Variants in SLC26A4 observed in about 807,000 individuals in gnomAD.
SLC26A4 encodes the protein solute carrier family 26 member 4.
In SLC26A4, 93 loss-of-function variants were observed where a neutral mutation model predicts 90.4. The ratio of observed to expected loss-of-function variants is 1.03; its 90% CI spans 0.87 to 1.22. SLC26A4 has a LOEUF of 1.22. SLC26A4 is among the 50% of genes most tolerant of loss of function. The probability of loss-of-function intolerance (pLI) is 0.00; values close to 1 mark genes in which losing one functional copy is unlikely to be tolerated. For synonymous variants in SLC26A4, 393 were observed against 354.6 expected (o/e 1.11, Z -1.22); for missense variants, 1,127 against 946.2 (o/e 1.19, Z -2.51).
chr7:107,710,620 T>A (rs1199142075), intron 19 of SLC26A4, among the ~76,000 whole-genome samples: 1 of 152,178 alleles, frequency 6.6e-6, no homozygotes. Context: ...CCATAAGTGA[T>A]CTTTGAAAAA....
At position 107,698,092 on chromosome 7, in the gene SLC26A4, G is replaced by A; in HGVS notation, c.1595G>A (p.Ser532Asn). ...GSIPSTDIYK[S>N]TKNYKNIEEP... is the part of the protein sequence containing the mutation. ...ATCCCTAGCACAGATATCTACAAAAGTACCAAGAATTACAAAAACGTAAGT... is the reference window on the plus strand; with the variant it reads ...ATCCCTAGCACAGATATCTACAAAAATACCAAGAATTACAAAAACGTAAGT... The change falls in exon 14 of 21, where the codon AGT becomes AAT. Residue 532 changes from serine (S) to asparagine (N), a missense_variant. By Grantham distance (46) the Ser-to-Asn change is conservative. Transcript: ENST00000644269. 6.2e-7 allele frequency: 1 copy of A among 1,608,892 alleles called. No individual in the cohort carries two copies.
intron 6 of SLC26A4, 63 bp from the exon 7 acceptor site, chr7:107,683,137 TGC>T: frequency 8.7e-7 from 1 of 1,148,900 alleles, no homozygotes; most frequent in African/African-American, 1.5e-5. Flanking sequence ...TGTGTGTGTG[TGC>T]GTGTGTGTGT....
At chr7:107,667,956 G>A (rs1466443476) in intron 3 of SLC26A4, among the ~76,000 whole-genome samples, 2 of 152,110 alleles carry the variant, frequency 1.3e-5, no homozygotes, top group African/African-American at 4.8e-5. Context: ...GGTGGAGAAG[G>A]GTTTGGGCAG....
intron 6 of SLC26A4, among the ~76,000 whole-genome samples, chr7:107,680,299 T>C (rs1449762220): frequency 7.5e-5 from 2 of 26,504 alleles, no homozygotes; most frequent in African/African-American, 3.7e-4. Flanking sequence ...TCTTATTATA[T>C]AATATAATCT....
At position 107,663,832 on chromosome 7, in the gene SLC26A4, C is replaced by T. The variant is rs149409365; in HGVS notation, c.304+397C>T. 9.4e-3 allele frequency among the ~76,000 whole-genome samples: 1,433 copies of T among 152,152 alleles called. 24 individuals are homozygous for T. The highest frequency in any genetic ancestry group is 0.032 in the African/African-American group (1,345 of 41,502). On this transcript the variant is annotated intron_variant, in intron 3 of 20. Coordinates refer to ENST00000644269, the MANE Select transcript of SLC26A4 (RefSeq NM_000441.2). Reference sequence around the variant, plus strand: ...CCCAGTAGCTGGGACTACAGGCGCCCGCCACTACGCCCGGCTAATTTTTTG... The same window carrying T: ...CCCAGTAGCTGGGACTACAGGCGCCTGCCACTACGCCCGGCTAATTTTTTG...
chr7:107,686,216 T>C (rs900833992), intron 8 of SLC26A4, among the ~76,000 whole-genome samples: 1 of 151,898 alleles, frequency 6.6e-6, no homozygotes, highest in Admixed American at 6.6e-5. Context: ...CCAGAGGTCC[T>C]CTTGTTGTCA....
At chr7:107,690,508 A>G (rs1791538828) in intron 10 of SLC26A4, among the ~76,000 whole-genome samples, 1 of 152,174 alleles carries the variant, frequency 6.6e-6, no homozygotes, top group Non-Finnish European at 1.5e-5. Context: ...GGTCAATAAC[A>G]ACTGACAAGG....
chr7:107,700,207 T>C (rs1362153106), intron 15 of SLC26A4, 32 bp downstream of exon 15: 1 of 1,131,818 alleles, frequency 8.8e-7, no homozygotes, highest in Admixed American at 1.7e-5. Flanking sequence ...ATTTGTTTTC[T>C]AACCTCTTTT....
intron 18 of SLC26A4, 126 bp from the exon 19 acceptor site, chr7:107,709,928 G>A (rs950230420): frequency 8.2e-6 from 6 of 729,802 alleles, no homozygotes; most frequent in Admixed American, 2.2e-5. Flanking sequence ...CTTGGGACGC[G>A]GAGGTTGCAG....
In SLC26A4 at chr7:107,695,779, C is replaced by T. The variant is rs115966090; in HGVS notation, c.1438-154C>T. Among the ~76,000 whole-genome samples the T allele has an allele frequency of 0.012, 1,805 of 151,946 alleles. 25 individuals carry two copies. Among genetic ancestry groups the T allele is most frequent in the African/African-American group, 0.033 (1,350 of 41,414 alleles). On this transcript the variant is annotated intron_variant, in intron 12 of 20. Coordinates refer to ENST00000644269, the MANE Select transcript of SLC26A4 (RefSeq NM_000441.2). ...AGTGAACTATCATGGTGCCACTGCA[C>T]TCCAGCCTGGGCAATAGAGTGTGAC...
Position 107,663,368 on chromosome 7 carries a change from A to G in SLC26A4, c.237A>G (p.Arg79=), listed in dbSNP as rs1030449153. The change falls in exon 3 of 21, where the codon CGA becomes CGG. Residue 79 remains arginine, a synonymous_variant. Transcript: ENST00000644269. ...TCTTGGAGTGGCTCCCCAAATACCGAGTCAAGGAATGGCTGCTTAGTGACG... is the reference window on the plus strand; with the variant it reads ...TCTTGGAGTGGCTCCCCAAATACCGGGTCAAGGAATGGCTGCTTAGTGACG... The part of the protein sequence containing the change: ...VPILEWLPKY[R]VKEWLLSDVI... The G allele has an allele frequency of 1.2e-6, 2 of 1,614,084 alleles. No individual in the cohort carries two copies. The highest frequency in any genetic ancestry group is 1.1e-5 in the South Asian group (1 of 91,080).
rs397516413 is a variant in SLC26A4 at position 107,690,170 on chromosome 7, CT to C, written c.1198del (p.Cys400ValfsTer32). The C allele has an allele frequency of 1.4e-5, 22 of 1,613,474 alleles. No homozygotes were observed. The highest frequency in any genetic ancestry group is 1.6e-4 in the Middle Eastern group (1 of 6,078). ...GISNIFSGFF[S>X]CFVATTALSR... ...AGCAACATCTTCTCAGGATTCTTCT[CT>C]TGTTTTGTGGCCACCACTGCTCTTT... On this transcript the variant is annotated frameshift_variant, in exon 10 of 21. Coordinates refer to ENST00000644269, the MANE Select transcript of SLC26A4 (RefSeq NM_000441.2). LOFTEE classifies it high-confidence loss of function.
chr7:107,710,020 G>A, intron 18 of SLC26A4, 34 bp from the exon 19 acceptor site: 1 of 1,599,830 alleles, frequency 6.3e-7, no homozygotes. Flanking sequence ...TCTTTTCCTA[G>A]GAACTAACAA....
intron 8 of SLC26A4, among the ~76,000 whole-genome samples, chr7:107,686,539 A>G (rs187550986): frequency 9.7e-4 from 145 of 150,096 alleles, no homozygotes; most frequent in Non-Finnish European, 1.6e-3. Flanking sequence ...CCAGCATGGA[A>G]TGCAGTGGCA....
At chr7:107,686,053 A>C (rs192697508) in intron 8 of SLC26A4, among the ~76,000 whole-genome samples, 1 of 124,544 alleles carries the variant, frequency 8.0e-6, no homozygotes, top group East Asian at 2.2e-4. Flanking sequence ...ACAGAGTCTC[A>C]CTCTGTCACC....
chr7:107,693,520 A>G (rs1791638148), intron 10 of SLC26A4: 1 of 985,420 alleles, frequency 1.0e-6, no homozygotes, highest in Non-Finnish European at 1.2e-6. Flanking sequence ...CTTTGCTTGT[A>G]GTTCCCTGTC....
At position 107,675,099 on chromosome 7, in the gene SLC26A4, C is replaced by T. The variant is rs375433525; in HGVS notation, c.755C>T (p.Ser252Phe). The T allele has an allele frequency of 1.2e-6, 2 of 1,613,428 alleles. No homozygotes were observed. Among genetic ancestry groups the T allele is most frequent in the African/African-American group, 2.7e-5 (2 of 74,772 alleles). The part of the protein sequence containing the change: ...VSTKNYNGVL[S>F]IIYTLVEIFQ... ...ACCAAAAACTACAATGGAGTTCTCT[C>T]TATTATCTATGTAAGTGTTGCTTCT... Residue 252 changes from serine to phenylalanine, a missense_variant, in exon 6 of 21, where the codon TCT becomes TTT. Transcript: ENST00000644269.
At chr7:107,669,409 A>C (rs1346018888) in intron 3 of SLC26A4, among the ~76,000 whole-genome samples, 1 of 152,198 alleles carries the variant, frequency 6.6e-6, no homozygotes, top group East Asian at 1.9e-4. Context: ...CATATTAAGA[A>C]CTGCAGAGCC....
intron 3 of SLC26A4, among the ~76,000 whole-genome samples, chr7:107,668,567 G>T (rs1362796091): frequency 6.6e-5 from 10 of 152,150 alleles, no homozygotes; most frequent in Non-Finnish European, 1.2e-4. Context: ...AAGCCAGGAA[G>T]TTGCTAAGGA....
Sources: allele counts gnomAD v4.1 joint callset (sites outside exome capture counted in the v4.1 genomes callset), GRCh38; gene constraint gnomAD v4.1.1; transcripts MANE v1.5; gene names NCBI Gene and HGNC (gene_info 2026-07-23, HGNC 2026-07-21).